Variants in OSBPL5 observed in about 807,000 individuals in gnomAD.
OSBPL5 encodes oxysterol binding protein like 5.
Under a neutral mutation model 111.2 loss-of-function variants are expected in OSBPL5, and 71 were observed. The observed-to-expected ratio is 0.64, with a 90% CI of 0.53 to 0.78. OSBPL5 has a LOEUF of 0.78. OSBPL5 is among the 30% of genes least tolerant of loss of function. The pLI, the probability that OSBPL5 is intolerant of heterozygous loss-of-function variation, is 0.00. For synonymous variants in OSBPL5, 549 were observed against 513.9 expected, an observed-to-expected ratio of 1.07 and a Z score of -0.93; for missense variants, 1,210 against 1,189.3, an observed-to-expected ratio of 1.02 and a Z score of -0.26.
chr11:3,120,095 C>A (rs1858349578), intron 6 of OSBPL5: 1 of 483,288 alleles, frequency 2.1e-6, no homozygotes, highest in Non-Finnish European at 3.7e-6. Flanking sequence ...GGCAGGGCAG[C>A]CCCGGGTTAG....
intron 1 of OSBPL5, among the ~76,000 whole-genome samples, chr11:3,143,747 T>C (rs1846232065): frequency 6.6e-6 from 1 of 152,176 alleles, no homozygotes; most frequent in Non-Finnish European, 1.5e-5. Flanking sequence ...AGCATGGGCT[T>C]TGGAGTCCAC....
chr11:3,124,139 C>T (rs958618110), intron 3 of OSBPL5, among the ~76,000 whole-genome samples: 1 of 152,174 alleles, frequency 6.6e-6, no homozygotes, highest in East Asian at 1.9e-4. Context: ...CAGCATTGTA[C>T]AGAGGAAGAG....
rs1281696038 is a variant in OSBPL5 at position 3,122,089 on chromosome 11, C to T, written c.310G>A (p.Glu104Lys). 7.0e-6 allele frequency: 11 copies of T among 1,570,430 alleles called. No homozygotes were observed. The highest frequency in any genetic ancestry group is 1.3e-5 in the African/African-American group (1 of 74,444). Residue 104 changes from glutamate (E) to lysine (K), a missense_variant, in exon 5 of 22, where the codon GAG (glutamate) becomes AAG (lysine). By Grantham distance (56) the Glu-to-Lys change is moderately conservative (BLOSUM62 1). Transcript: ENST00000263650. ...CGCTTCTTCTCCTGCCGGTAGTTCT[C>T]CTTCTGCGCCTGGGCCCGGGGCACC... ...TKKETLKAQK[E>K]NYRQEKKRAT...
At chr11:3,119,123 T>C (rs1209205281) in intron 7 of OSBPL5, among the ~76,000 whole-genome samples, 1 of 151,918 alleles carries the variant, frequency 6.6e-6, no homozygotes, top group African/African-American at 2.4e-5. Flanking sequence ...AATCCTCCTG[T>C]CTCAGTCTCC....
intron 1 of OSBPL5, among the ~76,000 whole-genome samples, chr11:3,143,161 C>T (rs1404214133): frequency 8.3e-5 from 7 of 84,264 alleles, no homozygotes; most frequent in African/African-American, 3.5e-4. Flanking sequence ...GGTGCAGAGC[C>T]GGGCAGAGGA....
intron 1 of OSBPL5, among the ~76,000 whole-genome samples, chr11:3,157,340 CGA>C (rs1846803782): frequency 1.3e-5 from 2 of 152,270 alleles, no homozygotes; most frequent in African/African-American, 4.8e-5. Flanking sequence ...CCTGGACTTA[CGA>C]GAGGTCACCC....
At chr11:3,102,568 G>A (rs1857496096) in intron 11 of OSBPL5, among the ~76,000 whole-genome samples, 1 of 152,186 alleles carries the variant, frequency 6.6e-6, no homozygotes, top group African/African-American at 2.4e-5. Flanking sequence ...TGGACCTTGG[G>A]TGTAACCTGC....
rs1857631410 is a variant in OSBPL5 at position 3,104,540 on chromosome 11, A to G, written c.1060-163T>C. Among the ~76,000 whole-genome samples the G allele has an allele frequency of 6.6e-6, 1 of 152,144 alleles. No individual in the cohort carries two copies. The highest frequency in any genetic ancestry group is 2.1e-4 in the South Asian group (1 of 4,828). On this transcript the variant is annotated intron_variant, in intron 9 of 21. Transcript: ENST00000263650. This position sits in a 1 kb window ranked among gnomAD's most constrained non-coding sequence, Gnocchi z 5.0. ...CTCATGAGGCTGACTCAGCCCCATC[A>G]GATGTGAACTCTTCCCAATGCGTCT...
intron 7 of OSBPL5, among the ~76,000 whole-genome samples, chr11:3,108,827 G>T (rs562006738): frequency 6.6e-6 from 1 of 152,318 alleles, no homozygotes; most frequent in Admixed American, 6.5e-5. Context: ...GGAGCACAAT[G>T]GCACGATCTC....
At chr11:3,147,482 G>A (rs1051422025) in intron 1 of OSBPL5, among the ~76,000 whole-genome samples, 1 of 152,260 alleles carries the variant, frequency 6.6e-6, no homozygotes, top group African/African-American at 2.4e-5. Flanking sequence ...AGCCCAGTCA[G>A]CCCTGCTATG....
In OSBPL5 at chr11:3,109,564, C is replaced by T. The variant is rs1405821259; in HGVS notation, c.692-1619G>A. Among the ~76,000 whole-genome samples the T allele has an allele frequency of 6.6e-6, 1 of 152,152 alleles. No individual in the cohort carries two copies. The highest frequency in any genetic ancestry group is 1.5e-5 in the Non-Finnish European group (1 of 68,038). On this transcript the variant is annotated intron_variant, in intron 7 of 21. Transcript: ENST00000263650. The surrounding 1 kb of genome is among the most constrained non-coding windows in gnomAD (Gnocchi z 7.4). ...GCTCTTCGTGGGGCATCTCAGGGTC[C>T]AGTGTAGGGAGGGGCCTGCCTAGAC... is the stretch of plus-strand genomic sequence containing the variant.
At chr11:3,119,135 G>T in intron 7 of OSBPL5, among the ~76,000 whole-genome samples, 1 of 151,956 alleles carries the variant, frequency 6.6e-6, no homozygotes, top group Non-Finnish European at 1.5e-5. Context: ...TCAGTCTCCC[G>T]AGTAGCTGGG....
rs1279223020 is a variant in OSBPL5, at chr11:3,140,923, G to T, written c.-21-11754C>A. 2.6e-5 allele frequency among the ~76,000 whole-genome samples: 4 copies of T among 152,020 alleles called. No individual in the cohort carries two copies. Among genetic ancestry groups the T allele is most frequent in the African/African-American group, 9.7e-5 (4 of 41,386 alleles). On this transcript the variant is annotated intron_variant, in intron 1 of 21. Coordinates refer to ENST00000263650, the MANE Select transcript of OSBPL5 (RefSeq NM_020896.4). The surrounding 1 kb of genome is among the most constrained non-coding windows in gnomAD (Gnocchi z 4.5). ...ACAGCCCAGGGGGCCCTGGGGCCAGGTGACCACCTCAGAGCCACTCCTTCC... is the reference window on the plus strand; with the variant it reads ...ACAGCCCAGGGGGCCCTGGGGCCAGTTGACCACCTCAGAGCCACTCCTTCC...
At position 3,100,069 on chromosome 11, in the gene OSBPL5, C is replaced by T. The variant is rs113241045; in HGVS notation, c.1621+89G>A. On this transcript the variant is annotated intron_variant, in intron 14 of 21. Transcript: ENST00000263650. ...GGCAGATGAAGGCGAAGTAAAGATA[C>T]CTTCAAGCAAATAACCAAAGGGTTT... 1,000 of 1,087,322 alleles carry T rather than the reference C, an allele frequency of 9.2e-4. 5 individuals carry two copies. In the African/African-American group the frequency reaches 0.014, roughly 15 times the overall value. The allele number at this position is 1,087,322 out of a possible 1,614,324, so 67.4% of individuals were successfully genotyped here. A position where few individuals can be genotyped will look rare whatever the true frequency, so the allele number is the denominator to read the frequency against.
chr11:3,129,068 C>T lies in OSBPL5; in HGVS notation c.81G>A (p.Lys27=). The T allele has an allele frequency of 6.3e-7, 1 of 1,582,212 alleles. No homozygotes were observed. The highest frequency in any genetic ancestry group is 8.6e-7 in the Non-Finnish European group (1 of 1,165,128). The stretch of plus-strand genomic sequence containing the variant: ...CGCTGAGGAGCAAGTTCCGGGTGAG[C>T]TTCCGGGGGTCGACTTTCTGAGGGG... ...SSTPQKVDPR[K]LTRNLLLSGD... is the part of the protein sequence containing the mutation. Residue 27 remains lysine, a synonymous_variant, in exon 2 of 22, where the codon AAG becomes AAA. Transcript: ENST00000263650.
intron 1 of OSBPL5, among the ~76,000 whole-genome samples, chr11:3,135,107 C>T (rs965566991): frequency 6.6e-6 from 1 of 152,228 alleles, no homozygotes; most frequent in Non-Finnish European, 1.5e-5. Context: ...GCTGTCAGTC[C>T]TCAGGAGCAG....
intron 7 of OSBPL5, among the ~76,000 whole-genome samples, chr11:3,114,591 ATTTTTTTTTTTTT>A (rs59645003): frequency 3.5e-5 from 4 of 113,900 alleles, no homozygotes; most frequent in African/African-American, 1.1e-4. Context: ...TAGAACAATG[ATTTTTTTTTTTTT>A]TTTTTTTTTT....
intron 6 of OSBPL5, 49 bp from the exon 7 acceptor site, chr11:3,119,680 G>T (rs370852657): frequency 3.4e-5 from 52 of 1,540,162 alleles, no homozygotes; most frequent in Non-Finnish European, 4.3e-5. Flanking sequence ...CCCAGGGCCA[G>T]CTGCACAGAT....
rs1367232383 is a variant in OSBPL5, at chr11:3,088,482, C to T, written c.2502-139G>A. The T allele has an allele frequency of 3.1e-5, 32 of 1,019,956 alleles. No individual in the cohort carries two copies. In the Admixed American group the frequency reaches 1.3e-3, roughly 40 times the overall value. The allele number at this position is 1,019,956 out of a possible 1,614,324, so 63.2% of individuals were successfully genotyped here. A position where few individuals can be genotyped will look rare whatever the true frequency, so the allele number is the denominator to read the frequency against. On this transcript the variant is annotated intron_variant, in intron 21 of 21. Transcript: ENST00000263650. ...TGGAGATGGGATGGCCCTCCAGGGG[C>T]AACAGAGCGGGTGGGGGTGGAAAGC...
Sources: gnomAD v4.1 joint callset for allele counts (sites outside exome capture counted in the v4.1 genomes callset) on GRCh38, gnomAD v4.1.1 for gene constraint, Gnocchi (gnomAD v3.1) non-coding constraint, MANE v1.5 for transcripts, NCBI Gene and HGNC (gene_info 2026-07-23, HGNC 2026-07-21) for gene names.